The following IDE variants were observed in gnomAD, a reference collection of about 807,000 sequenced individuals.
IDE encodes insulin-degrading enzyme.
In IDE, 58 loss-of-function variants were observed where a neutral mutation model predicts 133.2. That is an observed-to-expected ratio of 0.44 (90% confidence interval 0.35 to 0.54). IDE has a LOEUF of 0.54. IDE is among the 20% of genes least tolerant of loss of function. The pLI, the probability that IDE is intolerant of heterozygous loss-of-function variation, is 0.00. For missense variants in IDE, 981 were observed against 1,234.0 expected (o/e 0.79, Z 3.07); for synonymous variants, 396 against 421.3 (o/e 0.94, Z 0.73).
intron 1 of IDE, among the ~76,000 whole-genome samples, chr10:92,562,385 T>C (rs1843322898): frequency 6.6e-6 from 1 of 152,188 alleles, no homozygotes; most frequent in Non-Finnish European, 1.5e-5. Context: ...ATAAAGATAT[T>C]TGAAGCTACT....
chr10:92,533,599 T>G (rs770751583), intron 3 of IDE, among the ~76,000 whole-genome samples: 6 of 151,856 alleles, frequency 4.0e-5, no homozygotes, highest in Non-Finnish European at 7.4e-5. Context: ...AAATAACTAC[T>G]GCCTACCATA....
intron 4 of IDE, among the ~76,000 whole-genome samples, chr10:92,524,895 A>G (rs1007683053): frequency 1.1e-4 from 16 of 152,150 alleles, no homozygotes; most frequent in Middle Eastern, 6.8e-3. Flanking sequence ...AGCCTGGGCG[A>G]AAGAGTGAGA....
At chr10:92,565,385 G>A (rs563786930) in intron 1 of IDE, among the ~76,000 whole-genome samples, 2 of 146,794 alleles carry the variant, frequency 1.4e-5, no homozygotes, top group Non-Finnish European at 3.0e-5. Flanking sequence ...ACTCCAGCCT[G>A]GGCAACACAG....
In IDE at chr10:92,537,273, T is replaced by C. The variant is rs1395926364; in HGVS notation, c.283+93A>G. The C allele has an allele frequency of 2.7e-5, 25 of 941,090 alleles. 1 individual carries two copies. In the South Asian group the frequency reaches 3.1e-4, roughly 12 times the overall value. 58.3% of individuals were successfully genotyped at this position (941,090 alleles called of 1,614,324 possible). Reference sequence around the variant, plus strand: ...ATAAGGTACATGGAACCGGTAACTATTGAGTATTTAAACACGTATGGAAAG... The same window carrying C: ...ATAAGGTACATGGAACCGGTAACTACTGAGTATTTAAACACGTATGGAAAG... On this transcript the variant is annotated intron_variant, in intron 2 of 24. Coordinates refer to ENST00000265986, the MANE Select transcript of IDE (RefSeq NM_004969.4).
chr10:92,480,290 T>C (rs1846527408), intron 14 of IDE, among the ~76,000 whole-genome samples: 1 of 152,240 alleles, frequency 6.6e-6, no homozygotes, highest in South Asian at 2.1e-4. Context: ...ATATGTATTA[T>C]ATGCTTACTA....
At chr10:92,510,183 A>G in intron 5 of IDE, 21 bp from the exon 6 acceptor site, 1 of 1,250,218 alleles carries the variant, frequency 8.0e-7, no homozygotes, top group South Asian at 1.2e-5. Context: ...ACAGACAAGG[A>G]AAACAGAACT....
chr10:92,470,106 C>T, intron 18 of IDE, 148 bp downstream of exon 18: 1 of 506,662 alleles, frequency 2.0e-6, no homozygotes, highest in Non-Finnish European at 3.5e-6. Flanking sequence ...TCCCTGTGCC[C>T]TCTACCTTCC....
chr10:92,551,199 A>G (rs1214923195), intron 1 of IDE, among the ~76,000 whole-genome samples: 3 of 152,254 alleles, frequency 2.0e-5, no homozygotes, highest in Admixed American at 6.5e-5. Context: ...CGTAGTTTAT[A>G]CAATAAAATT....
At chr10:92,537,584 T>G (rs763666045) in intron 1 of IDE, 34 bp from the exon 2 acceptor site, 2 of 1,454,854 alleles carry the variant, frequency 1.4e-6, no homozygotes, top group South Asian at 2.4e-5. Flanking sequence ...TGTTGATTTG[T>G]GACTTTATAT....
intron 5 of IDE, among the ~76,000 whole-genome samples, chr10:92,510,808 T>TCTC (rs1389591770): frequency 1.9e-4 from 28 of 150,752 alleles, no homozygotes; most frequent in African/African-American, 6.6e-4. Context: ...AGCACATACA[T>TCTC]ATCACATATA....
At chr10:92,538,655 A>G (rs1181117417) in intron 1 of IDE, among the ~76,000 whole-genome samples, 2 of 152,156 alleles carry the variant, frequency 1.3e-5, no homozygotes, top group Non-Finnish European at 2.9e-5. Flanking sequence ...CAGTACACAG[A>G]ATCATGTAGG....
At chr10:92,487,141 C>G in intron 13 of IDE, 55 bp downstream of exon 13, 4 of 1,522,658 alleles carry the variant, frequency 2.6e-6, no homozygotes, top group Non-Finnish European at 3.6e-6. Flanking sequence ...TTACCCAGTC[C>G]CCCATGTATT....
intron 11 of IDE, among the ~76,000 whole-genome samples, chr10:92,493,844 T>C (rs1444675249): frequency 2.0e-5 from 3 of 152,024 alleles, no homozygotes; most frequent in Non-Finnish European, 4.4e-5. Flanking sequence ...TATGAGGTAA[T>C]AAATAAAGAC....
chr10:92,519,179 T>A (rs909896446), intron 4 of IDE, among the ~76,000 whole-genome samples: 2 of 152,286 alleles, frequency 1.3e-5, no homozygotes. Flanking sequence ...CAAAAAGATG[T>A]ACTCCCCAGA....
At position 92,510,112 on chromosome 10, in the gene IDE, C is replaced by G. The variant is rs759762324; in HGVS notation, c.835G>C (p.Glu279Gln). Reference protein sequence around the residue: ...NLVVKLFSEVENKNVPLPEFP... With the variant: ...NLVVKLFSEVQNKNVPLPEFP... ...TCTGGCAATGGAACATTTTTGTTCT[C>G]TACTTCAGAAAATAACTTTACCACC... Residue 279 changes from glutamate to glutamine, a missense_variant, in exon 6 of 25, where the codon GAG becomes CAG. By Grantham distance (29) the Glu-to-Gln change is conservative (BLOSUM62 2). Transcript: ENST00000265986. 4.4e-6 allele frequency: 7 copies of G among 1,606,014 alleles called. No homozygotes were observed. The highest frequency in any genetic ancestry group is 5.1e-6 in the Non-Finnish European group (6 of 1,173,978).
intron 2 of IDE, among the ~76,000 whole-genome samples, chr10:92,535,016 G>GT (rs1841918900): frequency 6.6e-6 from 1 of 152,206 alleles, no homozygotes; most frequent in Non-Finnish European, 1.5e-5. Context: ...AGGTTACTTA[G>GT]TGTCTCTGAA....
At chr10:92,508,450 A>G (rs547636272) in intron 7 of IDE, among the ~76,000 whole-genome samples, 491 of 147,058 alleles carry the variant, frequency 3.3e-3, no homozygotes, top group Non-Finnish European at 5.8e-3. Flanking sequence ...GCGGTGGCTC[A>G]TGCCTCTAAT....
intron 19 of IDE, among the ~76,000 whole-genome samples, 178 bp from the exon 20 acceptor site, chr10:92,466,021 C>T (rs929025103): frequency 6.6e-5 from 10 of 152,030 alleles, no homozygotes; most frequent in African/African-American, 2.4e-4. Context: ...CCAACTTTGA[C>T]CAACAGTCAA....
chr10:92,532,521 G>A (rs566152705), intron 3 of IDE, among the ~76,000 whole-genome samples: 36 of 152,204 alleles, frequency 2.4e-4, no homozygotes, highest in African/African-American at 7.9e-4. Flanking sequence ...GATTATGGGC[G>A]TTTATGAAAT....
Sources: allele counts gnomAD v4.1 joint callset (sites outside exome capture counted in the v4.1 genomes callset), GRCh38; gene constraint gnomAD v4.1.1; transcripts MANE v1.5; gene names NCBI Gene and HGNC (gene_info 2026-07-23, HGNC 2026-07-21).